PDGFRL: variants seen among roughly 807,000 people sequenced by gnomAD.
The protein encoded by PDGFRL is platelet-derived growth factor receptor-like protein.
A neutral mutation model predicts 37.2 loss-of-function variants in PDGFRL; 46 were observed. The ratio of observed to expected loss-of-function variants is 1.24; its 90% CI spans 0.98 to 1.58. The LOEUF (loss-of-function observed/expected upper bound fraction) is 1.58, where lower values mean the gene tolerates loss of function less well. Ranked by LOEUF, PDGFRL falls within the 40% of genes most tolerant of loss-of-function variation. The pLI, the probability that PDGFRL is intolerant of heterozygous loss-of-function variation, is 0.00. For missense variants in PDGFRL, 692 were observed against 467.6 expected (o/e 1.48, Z -4.43); for synonymous variants, 251 against 184.3 (o/e 1.36, Z -2.93).
Position 17,589,509 on chromosome 8 carries a change from C to T in PDGFRL, c.97C>T (p.Pro33Ser), listed in dbSNP as rs374832042. Residue 33 changes from proline to serine, a missense_variant, in exon 2 of 6, where the codon CCA becomes TCA. Transcript: ENST00000251630. ...TCCCAAGAACAAGCGTCCAAAAGAACCAGGAGAGAATAGAATCAAACCTAC... is the reference window on the plus strand; with the variant it reads ...TCCCAAGAACAAGCGTCCAAAAGAATCAGGAGAGAATAGAATCAAACCTAC... The part of the protein sequence containing the change: ...HLPKNKRPKE[P>S]GENRIKPTNK... The T allele has an allele frequency of 1.9e-6, 3 of 1,613,736 alleles. No homozygotes were observed. Among genetic ancestry groups the T allele is most frequent in the Admixed American group, 1.7e-5 (1 of 60,000 alleles).
intron 5 of PDGFRL, among the ~76,000 whole-genome samples, chr8:17,636,449 C>G (rs1240342471): frequency 1.3e-5 from 2 of 152,106 alleles, no homozygotes; most frequent in Non-Finnish European, 2.9e-5. Context: ...TCTGGGTTCT[C>G]TATTCTGTTC....
intron 2 of PDGFRL, among the ~76,000 whole-genome samples, chr8:17,590,182 G>T (rs1803904727): frequency 7.4e-6 from 1 of 134,384 alleles, no homozygotes; most frequent in East Asian, 2.4e-4. Flanking sequence ...ATTGAGCCGA[G>T]ATAGTGCCAG....
chr8:17,633,579 G>T (rs573353014), intron 4 of PDGFRL, among the ~76,000 whole-genome samples: 1 of 152,300 alleles, frequency 6.6e-6, no homozygotes, highest in Admixed American at 6.5e-5. Context: ...ATTTGTTTCT[G>T]AAACATGATG....
chr8:17,618,492 A>G lies in PDGFRL; in HGVS notation c.354-2559A>G, dbSNP rs555371500. ...TATAATTGGGATAACACAATGAATC[A>G]GGCATTGCACAAGGGGCTTTGTATG... On this transcript the variant is annotated intron_variant, in intron 2 of 5. Transcript: ENST00000251630. 3.3e-5 allele frequency among the ~76,000 whole-genome samples: 5 copies of G among 152,348 alleles called. No individual in the cohort carries two copies. The East Asian group carries it at 9.6e-4, about 29-fold the overall frequency.
At chr8:17,626,354 C>T (rs954879255) in intron 3 of PDGFRL, among the ~76,000 whole-genome samples, 2 of 152,160 alleles carry the variant, frequency 1.3e-5, no homozygotes, top group African/African-American at 4.8e-5. Flanking sequence ...CACAGACCTC[C>T]CAGCCTGATG....
chr8:17,624,547 C>A (rs559143342), intron 3 of PDGFRL, among the ~76,000 whole-genome samples: 1 of 152,294 alleles, frequency 6.6e-6, no homozygotes, highest in Non-Finnish European at 1.5e-5. Context: ...ACATTACCAG[C>A]AGCAGAGCTT....
chr8:17,591,331 G>A (rs1195763759), intron 2 of PDGFRL, among the ~76,000 whole-genome samples: 2 of 152,130 alleles, frequency 1.3e-5, no homozygotes, highest in Non-Finnish European at 2.9e-5. Flanking sequence ...TGGTGACAGC[G>A]GCAAGTGTGA....
chr8:17,632,017 C>T (rs565282955), intron 4 of PDGFRL, among the ~76,000 whole-genome samples: 6 of 152,282 alleles, frequency 3.9e-5, no homozygotes, highest in East Asian at 3.9e-4. Flanking sequence ...TGAGATGCTT[C>T]GGGGTCCTCC....
intron 1 of PDGFRL, among the ~76,000 whole-genome samples, chr8:17,586,611 C>G (rs1449371007): frequency 6.6e-6 from 1 of 152,114 alleles, no homozygotes; most frequent in Non-Finnish European, 1.5e-5. Flanking sequence ...GTTTCCACCA[C>G]AAGTTCATCA....
At position 17,628,495 on chromosome 8, in the gene PDGFRL, G is replaced by C. The variant is rs762661598; in HGVS notation, c.514G>C (p.Glu172Gln). 60 of 1,613,180 alleles carry C rather than the reference G, an allele frequency of 3.7e-5. No individual in the cohort carries two copies. The highest frequency in any genetic ancestry group is 4.7e-5 in the Non-Finnish European group (56 of 1,179,130). The part of the protein sequence containing the change: ...STYIFFTEKG[E>Q]LFVPSPSYFD... ...CTTCCTTCCCTTTGCAGAGAAAGGA[G>C]AACTCTTTGTACCTTCTCCCAGCTA... is the stretch of plus-strand genomic sequence containing the variant. Residue 172 changes from glutamate to glutamine, a missense_variant, in exon 4 of 6, where the codon GAA (glutamate) becomes CAA (glutamine). Coordinates refer to ENST00000251630, the MANE Select transcript of PDGFRL (RefSeq NM_001372073.1).
chr8:17,608,954 C>G (rs1215448439), intron 2 of PDGFRL, among the ~76,000 whole-genome samples: 1 of 152,206 alleles, frequency 6.6e-6, no homozygotes, highest in Non-Finnish European at 1.5e-5. Flanking sequence ...CAAGGCAGCT[C>G]ATGCCTGTAA....
chr8:17,591,604 C>T (rs1803941795), intron 2 of PDGFRL, among the ~76,000 whole-genome samples: 1 of 152,144 alleles, frequency 6.6e-6, no homozygotes, highest in Non-Finnish European at 1.5e-5. Flanking sequence ...TCTGAGATGA[C>T]AAGAATGGGA....
intron 2 of PDGFRL, among the ~76,000 whole-genome samples, chr8:17,599,588 C>G (rs568609739): frequency 6.6e-6 from 1 of 152,198 alleles, no homozygotes; most frequent in African/African-American, 2.4e-5. Context: ...CTGAGGACTG[C>G]TGGAAGGAGC....
At chr8:17,625,539 G>T (rs1804717079) in intron 3 of PDGFRL, among the ~76,000 whole-genome samples, 1 of 151,838 alleles carries the variant, frequency 6.6e-6, no homozygotes, top group South Asian at 2.1e-4. Flanking sequence ...AAATACATTT[G>T]CAGGGGACAT....
chr8:17,594,442 T>C (rs964077934), intron 2 of PDGFRL, among the ~76,000 whole-genome samples: 1 of 152,124 alleles, frequency 6.6e-6, no homozygotes, highest in Admixed American at 6.6e-5. Context: ...GGTTTCACTA[T>C]GATGGCCAGG....
intron 2 of PDGFRL, among the ~76,000 whole-genome samples, chr8:17,607,387 C>G (rs1010325111): frequency 2.0e-5 from 3 of 152,096 alleles, no homozygotes; most frequent in Non-Finnish European, 4.4e-5. Flanking sequence ...ATGTTTCTAC[C>G]TACACCAAAT....
chr8:17,617,556 C>A (rs1053247866), intron 2 of PDGFRL, among the ~76,000 whole-genome samples: 4 of 152,174 alleles, frequency 2.6e-5, no homozygotes, highest in Non-Finnish European at 5.9e-5. Context: ...AGTCTGCTGC[C>A]TAGACGATGA....
At chr8:17,626,167 T>C (rs1804730173) in intron 3 of PDGFRL, among the ~76,000 whole-genome samples, 1 of 152,210 alleles carries the variant, frequency 6.6e-6, no homozygotes, top group African/African-American at 2.4e-5. Flanking sequence ...GAAAACATCT[T>C]CAATATTATC....
At chr8:17,592,154 C>T (rs1225016717) in intron 2 of PDGFRL, among the ~76,000 whole-genome samples, 1 of 152,214 alleles carries the variant, frequency 6.6e-6, no homozygotes, top group Non-Finnish European at 1.5e-5. Context: ...TTCACTTTAA[C>T]ATTTCAAAAT....
Sources: gnomAD v4.1 joint callset for allele counts (sites outside exome capture counted in the v4.1 genomes callset) on GRCh38, gnomAD v4.1.1 for gene constraint, MANE v1.5 for transcripts, NCBI Gene and HGNC (gene_info 2026-07-23, HGNC 2026-07-21) for gene names.